Variants in SEC31A observed in about 807,000 individuals in gnomAD.
The protein encoded by SEC31A is protein transport protein Sec31A.
Under a neutral mutation model 151.0 loss-of-function variants are expected in SEC31A, and 70 were observed. The observed-to-expected ratio is 0.46, with a 90% CI of 0.38 to 0.57. The LOEUF is 0.57. Among genes scored for constraint, SEC31A ranks in the 20% least tolerant of loss-of-function variants. The pLI is 0.00. For synonymous variants in SEC31A, 475 were observed against 505.9 expected (o/e 0.94, Z 0.82); for missense variants, 1,330 against 1,471.2 (o/e 0.90, Z 1.57).
rs146865431 is a variant in SEC31A, at chr4:82,862,774, G to A, written c.1510-202C>T. ...ACATGGAAGTAATTAGAAATAATCCGACAATCATTCTATTTCCTCATTTTT... is the reference window on the plus strand; with the variant it reads ...ACATGGAAGTAATTAGAAATAATCCAACAATCATTCTATTTCCTCATTTTT... On this transcript the variant is annotated intron_variant, in intron 12 of 26. Coordinates refer to ENST00000395310, the MANE Select transcript of SEC31A (RefSeq NM_001077207.4). Among the ~76,000 whole-genome samples the A allele has an allele frequency of 1.1e-3, 164 of 152,310 alleles. 1 individual carries two copies. The highest frequency in any genetic ancestry group is 3.7e-3 in the African/African-American group (153 of 41,566).
In SEC31A at chr4:82,819,114, A is replaced by G; in HGVS notation, c.3623T>C (p.Leu1208Pro). The G allele has an allele frequency of 6.2e-7, 1 of 1,611,822 alleles. No homozygotes were observed. The highest frequency in any genetic ancestry group is 8.5e-7 in the Non-Finnish European group (1 of 1,178,946). Reference sequence around the variant, plus strand: ...ATTGGCCTGGGTGAGAACAACTTTGAGAACTGGCATGAAAGCAGAGGTCTC... The same window carrying G: ...ATTGGCCTGGGTGAGAACAACTTTGGGAACTGGCATGAAAGCAGAGGTCTC... ...FSETSAFMPV[L>P]KVVLTQANKL... Residue 1208 changes from leucine (L) to proline (P), a missense_variant, in exon 27 of 27, where the codon CTC becomes CCC. By Grantham distance (98) the Leu-to-Pro change is moderately conservative (BLOSUM62 -3). Coordinates refer to ENST00000395310, the MANE Select transcript of SEC31A (RefSeq NM_001077207.4).
chr4:82,889,336 G>T (rs1445887335), intron 1 of SEC31A, among the ~76,000 whole-genome samples: 3 of 151,986 alleles, frequency 2.0e-5, no homozygotes, highest in Non-Finnish European at 4.4e-5. Flanking sequence ...CATGTCACTT[G>T]AAAGCAGGAG....
rs761315349 is a variant in SEC31A at position 82,853,619 on chromosome 4, A to G, written c.2105T>C (p.Val702Ala). ...YICAGNVEKLVACWTKAQDGS... is the reference protein window; with the variant it reads ...YICAGNVEKLAACWTKAQDGS... ...ATCTTGAGCTTTAGTCCAACATGCA[A>G]CTAATTTCTCTACATTCCCTGCACA... is the stretch of plus-strand genomic sequence containing the variant. The change falls in exon 18 of 27, where the codon GTT becomes GCT. Residue 702 changes from valine (V) to alanine (A), a missense_variant. Val to Ala is a moderately conservative substitution (Grantham distance 64). Transcript: ENST00000395310. The G allele has an allele frequency of 7.5e-6, 12 of 1,600,514 alleles. No individual in the cohort carries two copies. The South Asian group carries it at 9.1e-5, about 12-fold the overall frequency.
chr4:82,867,254 A>G lies in SEC31A; in HGVS notation c.945T>C (p.Asn315=), dbSNP rs771569954. 7 of 1,614,208 alleles carry G rather than the reference A, an allele frequency of 4.3e-6. No homozygotes were observed. In the South Asian group the frequency reaches 7.7e-5, roughly 18 times the overall value. Residue 315 remains asparagine (N), a synonymous_variant, in exon 9 of 27, where the codon AAT becomes AAC. Coordinates refer to ENST00000395310, the MANE Select transcript of SEC31A (RefSeq NM_001077207.4). ...WCFDIQWCPR[N]PAVLSAASFD... ...ACGAAGCAGCTGATAAGACAGCAGG[A>G]TTTCGGGGACACCACTGAATATCGA...
chr4:82,867,726 G>C (rs1220572771), intron 8 of SEC31A, among the ~76,000 whole-genome samples: 1 of 152,058 alleles, frequency 6.6e-6, no homozygotes, highest in East Asian at 1.9e-4. Flanking sequence ...TCCACCTCCT[G>C]GGCTCAAGCA....
At chr4:82,865,536 G>GTATATATATATATA (rs55681370) in intron 10 of SEC31A, among the ~76,000 whole-genome samples, 1 of 137,154 alleles carries the variant, frequency 7.3e-6, no homozygotes, top group Non-Finnish European at 1.6e-5. Flanking sequence ...AAAAAATGTG[G>GTATATATATATATA]TATATATATA....
At chr4:82,886,860 A>C (rs1279457353) in intron 1 of SEC31A, among the ~76,000 whole-genome samples, 1 of 152,182 alleles carries the variant, frequency 6.6e-6, no homozygotes, top group Non-Finnish European at 1.5e-5. Context: ...TTTTTTAACC[A>C]GTTGCCTTAT....
At chr4:82,827,736 A>C in intron 23 of SEC31A, 104 bp from the exon 24 acceptor site, 1 of 1,080,802 alleles carries the variant, frequency 9.3e-7, no homozygotes, top group Non-Finnish European at 1.4e-6. Context: ...CGGCTAAACA[A>C]ATTTTTTAAT....
intron 1 of SEC31A, among the ~76,000 whole-genome samples, chr4:82,888,367 A>C (rs1158977925): frequency 1.6e-3 from 10 of 6,092 alleles, no homozygotes; most frequent in Non-Finnish European, 2.1e-3. Context: ...AAAAAAAAAA[A>C]AAAAAACACA....
Position 82,857,093 on chromosome 4 carries a change from G to T in SEC31A, c.1740C>A (p.Gly580=), listed in dbSNP as rs779293493. The T allele has an allele frequency of 3.1e-6, 5 of 1,613,502 alleles. No homozygotes were observed. The highest frequency in any genetic ancestry group is 4.2e-6 in the Non-Finnish European group (5 of 1,179,894). Residue 580 remains glycine (G), a synonymous_variant, in exon 16 of 27, where the codon GGC becomes GGA. Transcript: ENST00000395310. ...DGLITQALLT[G]NFESAVDLCL... The stretch of plus-strand genomic sequence containing the variant: ...AAAGGTCAACAGCACTCTCAAAATT[G>T]CCCGTCAGCAAAGCCTGAGTAATTA...
At chr4:82,874,554 T>C in intron 6 of SEC31A, 57 bp downstream of exon 6, 2 of 1,482,810 alleles carry the variant, frequency 1.3e-6, no homozygotes, top group Non-Finnish European at 1.8e-6. Flanking sequence ...ACAAACAATA[T>C]AGGAATACCT....
chr4:82,879,070 T>C (rs995664245), intron 3 of SEC31A, 142 bp from the exon 4 acceptor site: 8 of 649,940 alleles, frequency 1.2e-5, no homozygotes, highest in Non-Finnish European at 1.9e-5. Context: ...TAACTATGTA[T>C]GACTTTGGTG....
At chr4:82,887,304 A>G (rs560016225) in intron 1 of SEC31A, among the ~76,000 whole-genome samples, 1 of 152,358 alleles carries the variant, frequency 6.6e-6, no homozygotes, top group South Asian at 2.1e-4. Flanking sequence ...CATTTATAAG[A>G]ACATAAAATA....
At chr4:82,883,693 G>A (rs917470900) in intron 1 of SEC31A, among the ~76,000 whole-genome samples, 1 of 152,026 alleles carries the variant, frequency 6.6e-6, no homozygotes, top group African/African-American at 2.4e-5. Context: ...GCTGGGCATG[G>A]TGGTGCACGC....
intron 22 of SEC31A, among the ~76,000 whole-genome samples, chr4:82,841,506 C>T (rs1445727170): frequency 1.8e-5 from 2 of 111,424 alleles, no homozygotes; most frequent in Non-Finnish European, 3.9e-5. Flanking sequence ...CTGGGCTTGG[C>T]GGCTCGTGCC....
intron 14 of SEC31A, among the ~76,000 whole-genome samples, chr4:82,860,089 G>A (rs1733742277): frequency 6.6e-6 from 1 of 151,944 alleles, no homozygotes; most frequent in Admixed American, 6.6e-5. Context: ...ACTGCGCCTG[G>A]CCACTTTTCT....
rs1727647859 is a variant in SEC31A at position 82,837,376 on chromosome 4, C to T, written c.2968+4764G>A. Among the ~76,000 whole-genome samples, 3 of 151,510 alleles carry T rather than the reference C, an allele frequency of 2.0e-5. No individual in the cohort carries two copies. The South Asian group carries it at 6.2e-4, about 32-fold the overall frequency. On this transcript the variant is annotated intron_variant, in intron 22 of 26. Coordinates refer to ENST00000395310, the MANE Select transcript of SEC31A (RefSeq NM_001077207.4). ...CTTTGAGTCTTTTAAAAACTTCCTA[C>T]AGTGAAAAATTAATAAAAAGCAAGG...
chr4:82,847,562 C>T (rs148597160), intron 20 of SEC31A, among the ~76,000 whole-genome samples: 1 of 152,320 alleles, frequency 6.6e-6, no homozygotes, highest in East Asian at 1.9e-4. Flanking sequence ...TAACAAGACG[C>T]TTGGGAGTTC....
intron 23 of SEC31A, 55 bp downstream of exon 23, chr4:82,828,945 C>A (rs1426700958): frequency 7.3e-7 from 1 of 1,376,136 alleles, no homozygotes; most frequent in African/African-American, 1.4e-5. Context: ...TTCCAAGTGG[C>A]TACGTGGTTA....
Sources: allele counts gnomAD v4.1 joint callset (sites outside exome capture counted in the v4.1 genomes callset), GRCh38; gene constraint gnomAD v4.1.1; transcripts MANE v1.5; gene names NCBI Gene and HGNC (gene_info 2026-07-23, HGNC 2026-07-21).